PTPRD: variants seen among roughly 807,000 people sequenced by gnomAD.
PTPRD encodes the protein protein tyrosine phosphatase receptor type D, also known as receptor-type tyrosine-protein phosphatase delta.
A neutral mutation model predicts 214.5 loss-of-function variants in PTPRD; 34 were observed. The observed-to-expected ratio is 0.16, with a 90% CI of 0.12 to 0.21. The LOEUF (loss-of-function observed/expected upper bound fraction) is 0.21. Ranked by LOEUF, PTPRD falls within the 10% of genes least tolerant of loss-of-function variation. PTPRD has a pLI of 1.00. For synonymous variants in PTPRD, 1,128 were observed against 845.7 expected, an observed-to-expected ratio of 1.33 and a Z score of -5.79; for missense variants, 2,545 against 2,398.7, an observed-to-expected ratio of 1.06 and a Z score of -1.27.
At chr9:8,996,672 G>T (rs1009353246) in intron 11 of PTPRD, among the ~76,000 whole-genome samples, 1 of 152,046 alleles carries the variant, frequency 6.6e-6, no homozygotes, top group African/African-American at 2.4e-5. Context: ...GCACCTTCTG[G>T]CTATGTCCTC....
intron 4 of PTPRD, among the ~76,000 whole-genome samples, chr9:9,995,487 T>A (rs546104647): frequency 6.6e-6 from 1 of 152,194 alleles, no homozygotes; most frequent in Non-Finnish European, 1.5e-5. Context: ...ACATATGTGC[T>A]ACTTTTACTT....
intron 2 of PTPRD, among the ~76,000 whole-genome samples, chr9:10,464,113 T>A (rs1368431819): frequency 6.6e-6 from 1 of 151,942 alleles, no homozygotes; most frequent in Non-Finnish European, 1.5e-5. Context: ...GAAAGAAAAA[T>A]GTGGCCATGT....
At position 9,865,157 on chromosome 9, in the gene PTPRD, C is replaced by G. The variant is rs541941792; in HGVS notation, c.-368+73350G>C. On this transcript the variant is annotated intron_variant, in intron 5 of 45. Transcript: ENST00000381196. ...TTTATGTATGCATTGGGATGAATGA[C>G]AAAAACATATTCCTATTTCAGGGCT... Among the ~76,000 whole-genome samples the G allele has an allele frequency of 3.3e-5, 5 of 152,216 alleles. No homozygotes were observed. The East Asian group carries it at 9.7e-4, about 29-fold the overall frequency.
chr9:10,526,019 C>T (rs1253743809), intron 2 of PTPRD, among the ~76,000 whole-genome samples: 1 of 152,052 alleles, frequency 6.6e-6, no homozygotes, highest in Admixed American at 6.6e-5. Context: ...CTACTGCCCA[C>T]ATTTCAATTT....
chr9:10,541,292 T>C (rs939592567), intron 2 of PTPRD, among the ~76,000 whole-genome samples: 2 of 152,168 alleles, frequency 1.3e-5, no homozygotes, highest in Non-Finnish European at 2.9e-5. Context: ...AAAGGAAAGA[T>C]GTCAGTTCCT....
intron 2 of PTPRD, among the ~76,000 whole-genome samples, chr9:10,363,825 T>C (rs12005622): frequency 0.034 from 5,174 of 152,028 alleles, 294 homozygotes; most frequent in African/African-American, 0.12. Context: ...TGTAGATAGA[T>C]GCTATGGAAA....
In PTPRD at chr9:10,077,631, T is replaced by A. The variant is rs190845776; in HGVS notation, c.-544-43841A>T. Among the ~76,000 whole-genome samples the A allele has an allele frequency of 7.1e-4, 108 of 152,250 alleles. 1 individual carries two copies. The highest frequency in any genetic ancestry group is 1.2e-3 in the Admixed American group (19 of 15,282). On this transcript the variant is annotated intron_variant, in intron 3 of 45. Transcript: ENST00000381196. ...TAGTATCCAATAGGTAATTTTTCAA[T>A]CTTCACCGTCCTCCGTTCCTCCTCT... is the stretch of plus-strand genomic sequence containing the variant.
chr9:9,646,319 GTGTGT>G (rs2096169445), intron 7 of PTPRD, among the ~76,000 whole-genome samples: 1 of 108,764 alleles, frequency 9.2e-6, no homozygotes, highest in African/African-American at 3.1e-5. Context: ...GTGTGTGTGG[GTGTGT>G]GTGTGTGTGT....
intron 9 of PTPRD, among the ~76,000 whole-genome samples, chr9:9,290,189 T>C (rs1180640439): frequency 6.6e-6 from 1 of 151,830 alleles, no homozygotes; most frequent in Non-Finnish European, 1.5e-5. Context: ...TGGTTTTGAT[T>C]TGCATTATCA....
chr9:9,696,979 G>A (rs926813948), intron 7 of PTPRD, among the ~76,000 whole-genome samples: 9 of 151,866 alleles, frequency 5.9e-5, no homozygotes, highest in Non-Finnish European at 1.2e-4. Flanking sequence ...CTTCTGTGAG[G>A]CTTACAAAAA....
At chr9:9,662,855 A>G (rs1387110814) in intron 7 of PTPRD, among the ~76,000 whole-genome samples, 1 of 151,496 alleles carries the variant, frequency 6.6e-6, no homozygotes, top group Non-Finnish European at 1.5e-5. Flanking sequence ...ATTGCTGTGT[A>G]CTAGTTTGAT....
rs535821427 is a variant in PTPRD, at chr9:9,125,986, G to T, written c.-143+57318C>A. On this transcript the variant is annotated intron_variant, in intron 10 of 45. Coordinates refer to ENST00000381196, the MANE Select transcript of PTPRD (RefSeq NM_002839.4). Reference sequence around the variant, plus strand: ...GACAGTTGTGTTAAGATGAGTAAGAGCTTAGGGTGCTCCAGGTACAGAATG... The same window carrying T: ...GACAGTTGTGTTAAGATGAGTAAGATCTTAGGGTGCTCCAGGTACAGAATG... 7.0e-4 allele frequency among the ~76,000 whole-genome samples: 106 copies of T among 152,274 alleles called. 1 individual carries two copies. The highest frequency in any genetic ancestry group is 2.2e-3 in the African/African-American group (90 of 41,556).
intron 31 of PTPRD, 112 bp downstream of exon 31, chr9:8,470,883 T>C: frequency 1.2e-6 from 1 of 865,062 alleles, no homozygotes. Context: ...ACCAGCTAGG[T>C]ATGGAGAAGC....
At chr9:8,325,795 C>G (rs1833059662) in intron 44 of PTPRD, among the ~76,000 whole-genome samples, 1 of 113,278 alleles carries the variant, frequency 8.8e-6, no homozygotes, top group African/African-American at 7.1e-5. Context: ...AGGTCCTTCA[C>G]ATTCCTTGTT....
At chr9:8,914,959 T>A (rs1187228205) in intron 11 of PTPRD, among the ~76,000 whole-genome samples, 1 of 152,128 alleles carries the variant, frequency 6.6e-6, no homozygotes, top group Non-Finnish European at 1.5e-5. Context: ...GATGAAAGCA[T>A]GTGAATAACA....
intron 11 of PTPRD, among the ~76,000 whole-genome samples, chr9:8,904,665 C>A (rs1271330327): frequency 3.4e-5 from 4 of 116,224 alleles, no homozygotes; most frequent in Non-Finnish European, 5.1e-5. Flanking sequence ...GAGGGAGACT[C>A]TTAAAAAAAA....
chr9:8,690,386 G>C (rs1376934178), intron 12 of PTPRD, among the ~76,000 whole-genome samples: 1 of 151,828 alleles, frequency 6.6e-6, no homozygotes, highest in Non-Finnish European at 1.5e-5. Flanking sequence ...AATTAGCCGG[G>C]CATGGTGGTG....
intron 42 of PTPRD, among the ~76,000 whole-genome samples, chr9:8,339,861 A>T (rs1278582555): frequency 1.3e-5 from 2 of 151,952 alleles, no homozygotes; most frequent in African/African-American, 4.8e-5. Context: ...ACTTTTTTCA[A>T]AAGTGGATCT....
chr9:10,474,311 GA>G (rs34654482), intron 2 of PTPRD, among the ~76,000 whole-genome samples: 25 of 143,936 alleles, frequency 1.7e-4, no homozygotes, highest in African/African-American at 5.4e-4. Flanking sequence ...ATGGAAAGCA[GA>G]AAAAAAAAAA....
Sources: gnomAD v4.1 joint callset for allele counts (sites outside exome capture counted in the v4.1 genomes callset) on GRCh38, gnomAD v4.1.1 for gene constraint, MANE v1.5 for transcripts, NCBI Gene and HGNC (gene_info 2026-07-23, HGNC 2026-07-21) for gene names.